Variants in PLCH1 observed in about 807,000 individuals in gnomAD.
PLCH1 encodes the protein phospholipase C eta 1.
A neutral mutation model predicts 126.7 loss-of-function variants in PLCH1; 60 were observed. The ratio of observed to expected loss-of-function variants is 0.47; its 90% CI spans 0.38 to 0.59. PLCH1 has a LOEUF of 0.59. Among genes scored for constraint, PLCH1 ranks in the 20% least tolerant of loss-of-function variants. PLCH1 has a pLI of 0.00. For synonymous variants in PLCH1, 719 were observed against 734.9 expected, an observed-to-expected ratio of 0.98 and a Z score of 0.35; for missense variants, 1,723 against 2,040.0, an observed-to-expected ratio of 0.84 and a Z score of 2.99.
chr3:155,561,304 C>T (rs1259667337), intron 8 of PLCH1, among the ~76,000 whole-genome samples: 1 of 130,412 alleles, frequency 7.7e-6, no homozygotes, highest in Non-Finnish European at 1.6e-5. Flanking sequence ...CCACAACAGT[C>T]CCCAGAGTGT....
chr3:155,544,515 G>C (rs75087610), intron 10 of PLCH1, among the ~76,000 whole-genome samples: 123,531 of 151,968 alleles, frequency 0.81, 52,009 homozygotes, highest in Middle Eastern at 0.95. Flanking sequence ...AGGAATTGAA[G>C]TCAGCTCTGC....
intron 2 of PLCH1, among the ~76,000 whole-genome samples, chr3:155,678,519 T>C (rs1366969881): frequency 6.6e-6 from 1 of 152,200 alleles, no homozygotes. Context: ...TAACCTCCTA[T>C]GCAGCCCATT....
chr3:155,521,805 A>G (rs1040909298), intron 11 of PLCH1, among the ~76,000 whole-genome samples: 2 of 112,920 alleles, frequency 1.8e-5, no homozygotes, highest in African/African-American at 9.7e-5. Context: ...TCCAATGTTG[A>G]TTTACTTCTT....
At chr3:155,575,386 T>G (rs977534363) in intron 6 of PLCH1, among the ~76,000 whole-genome samples, 3 of 152,140 alleles carry the variant, frequency 2.0e-5, no homozygotes, top group African/African-American at 7.2e-5. Flanking sequence ...ATGATTCCTA[T>G]AATTGGATCA....
chr3:155,723,953 CAAAAAAA>C (rs34436223), intron 1 of PLCH1, among the ~76,000 whole-genome samples: 8 of 80,060 alleles, frequency 1.0e-4, no homozygotes, highest in Admixed American at 1.4e-4. Context: ...AACTCCATCT[CAAAAAAA>C]AAAAAAAAAA....
intron 8 of PLCH1, among the ~76,000 whole-genome samples, chr3:155,564,711 G>C (rs1728090457): frequency 6.6e-6 from 1 of 152,152 alleles, no homozygotes; most frequent in African/African-American, 2.4e-5. Flanking sequence ...CTTCACAACT[G>C]CTAACACAGA....
intron 2 of PLCH1, among the ~76,000 whole-genome samples, chr3:155,618,608 C>A (rs1365654158): frequency 6.6e-6 from 1 of 152,184 alleles, no homozygotes; most frequent in Non-Finnish European, 1.5e-5. Context: ...ACAGGAGATT[C>A]ATTTTCCAGC....
chr3:155,630,449 G>T (rs1737895063), intron 2 of PLCH1, among the ~76,000 whole-genome samples: 1 of 152,196 alleles, frequency 6.6e-6, no homozygotes, highest in Non-Finnish European at 1.5e-5. Context: ...CACCCAGCTG[G>T]CTGCAAACTT....
In PLCH1 at chr3:155,612,908, T is replaced by TA. The variant is rs59489759; in HGVS notation, c.80-16531dup. On this transcript the variant is annotated intron_variant, in intron 2 of 22. Coordinates refer to ENST00000460012, the MANE Select transcript of PLCH1 (RefSeq NM_014996.4). ...GGGCAACAAGAGTGAAACTGTGTATTAAAAAAAAAAAAAAAAAGAAAAGAT... is the reference window on the plus strand; with the variant it reads ...GGGCAACAAGAGTGAAACTGTGTATTAAAAAAAAAAAAAAAAAAGAAAAGAT... 2.5e-3 allele frequency among the ~76,000 whole-genome samples: 233 copies of TA among 94,624 alleles called. 2 individuals are homozygous for TA. The highest frequency in any genetic ancestry group is 5.6e-3 in the East Asian group (14 of 2,508). 62.1% of individuals were successfully genotyped at this position (94,624 alleles called of 152,430 possible).
intron 14 of PLCH1, among the ~76,000 whole-genome samples, chr3:155,498,702 C>T (rs551548086): frequency 5.9e-5 from 9 of 152,142 alleles, no homozygotes; most frequent in African/African-American, 2.2e-4. Flanking sequence ...TGTTTACTTT[C>T]TTCTTTATAC....
chr3:155,473,723 CAG>C (rs1328295973), intron 21 of PLCH1, among the ~76,000 whole-genome samples: 1 of 151,546 alleles, frequency 6.6e-6, no homozygotes, highest in African/African-American at 2.4e-5. Context: ...GGTACCAAAA[CAG>C]AGATATAGAT....
At chr3:155,610,991 A>G (rs1461994440) in intron 2 of PLCH1, among the ~76,000 whole-genome samples, 4 of 152,248 alleles carry the variant, frequency 2.6e-5, no homozygotes, top group Admixed American at 2.6e-4. Flanking sequence ...ATAAGGACAC[A>G]TGTAAACTTA....
At chr3:155,612,418 C>G (rs536467849) in intron 2 of PLCH1, among the ~76,000 whole-genome samples, 2 of 150,988 alleles carry the variant, frequency 1.3e-5, no homozygotes, top group African/African-American at 4.8e-5. Flanking sequence ...AATCTAAGGT[C>G]ACACCTCAAG....
At chr3:155,691,461 A>G (rs1418524876) in intron 2 of PLCH1, among the ~76,000 whole-genome samples, 10 of 152,204 alleles carry the variant, frequency 6.6e-5, no homozygotes, top group Admixed American at 6.5e-4. Context: ...GATATTGTGC[A>G]AAACAAGAGC....
At chr3:155,607,580 A>G (rs1734523355) in intron 2 of PLCH1, among the ~76,000 whole-genome samples, 1 of 151,950 alleles carries the variant, frequency 6.6e-6, no homozygotes, top group Non-Finnish European at 1.5e-5. Context: ...TGCTGGGAGT[A>G]GAGGTGCATG....
chr3:155,693,945 G>GA (rs1322466865), intron 2 of PLCH1, among the ~76,000 whole-genome samples: 1 of 151,432 alleles, frequency 6.6e-6, no homozygotes, highest in Admixed American at 6.6e-5. Flanking sequence ...AAAAAAGAAA[G>GA]AAAGAAAAGA....
chr3:155,697,023 C>T (rs192987818), intron 2 of PLCH1, among the ~76,000 whole-genome samples: 37 of 152,322 alleles, frequency 2.4e-4, no homozygotes, highest in African/African-American at 8.9e-4. Flanking sequence ...ACCTTTTCAT[C>T]CCCTCCATCG....
intron 2 of PLCH1, among the ~76,000 whole-genome samples, chr3:155,615,962 A>G (rs566576652): frequency 1.6e-4 from 24 of 152,280 alleles, no homozygotes; most frequent in South Asian, 1.0e-3. Context: ...GTAAGATACT[A>G]CTGTCCTTAC....
At chr3:155,715,531 C>T (rs1475790426) in intron 1 of PLCH1, among the ~76,000 whole-genome samples, 1 of 151,754 alleles carries the variant, frequency 6.6e-6, no homozygotes, top group Admixed American at 6.6e-5. Context: ...TCTGGAACTC[C>T]TGAGCTCAAG....
Sources: allele counts gnomAD v4.1 joint callset (sites outside exome capture counted in the v4.1 genomes callset), GRCh38; gene constraint gnomAD v4.1.1; transcripts MANE v1.5; gene names NCBI Gene and HGNC (gene_info 2026-07-23, HGNC 2026-07-21).